The following CEP95 variants were observed in gnomAD, a reference collection of about 807,000 sequenced individuals.
The protein encoded by CEP95 is centrosomal protein of 95 kDa.
CEP95 carries 98 observed loss-of-function variants against 111.2 expected under a neutral mutation model. That is an observed-to-expected ratio of 0.88 (90% CI 0.75 to 1.04). The LOEUF (loss-of-function observed/expected upper bound fraction) is 1.04, where lower values mean the gene tolerates loss of function less well. Ranked by LOEUF, CEP95 falls within the 50% of genes least tolerant of loss-of-function variation. CEP95 has a pLI of 0.00. For synonymous variants in CEP95, 323 were observed against 327.1 expected (o/e 0.99, Z 0.14); for missense variants, 1,027 against 977.2 (o/e 1.05, Z -0.68).
chr17:64,519,253 C>T (rs1325887359), intron 5 of CEP95, 68 bp from the exon 6 acceptor site: 9 of 977,910 alleles, frequency 9.2e-6, no homozygotes, highest in African/African-American at 4.9e-5. Flanking sequence ...CCCAGCAGCT[C>T]TCCAGGTCCT....
chr17:64,537,162 T>G, intron 19 of CEP95, 50 bp downstream of exon 19: 1 of 1,591,558 alleles, frequency 6.3e-7, no homozygotes, highest in Non-Finnish European at 8.6e-7. Flanking sequence ...CAATGTTTCT[T>G]TCAGCAAGGG....
At chr17:64,532,271 T>TA (rs1246547916) in intron 14 of CEP95, 22 of 1,222,850 alleles carry the variant, frequency 1.8e-5, no homozygotes, top group Non-Finnish European at 1.9e-5. Flanking sequence ...GCTCCAGCGT[T>TA]AGCCTCACTC....
chr17:64,508,015 T>C (rs1555673561), intron 1 of CEP95: 1 of 985,110 alleles, frequency 1.0e-6, no homozygotes, highest in South Asian at 4.7e-5. Flanking sequence ...TTCTTTCATA[T>C]AGATCGATAT....
intron 2 of CEP95, 43 bp from the exon 3 acceptor site, chr17:64,510,130 G>A: frequency 4.5e-6 from 5 of 1,103,200 alleles, no homozygotes; most frequent in Admixed American, 3.9e-5. Context: ...TGAAAACTTG[G>A]CCTCTCATGG....
rs578228667 is a variant in CEP95 at position 64,534,800 on chromosome 17, C to G, written c.2070+63C>G. On this transcript the variant is annotated intron_variant, in intron 17 of 19. Transcript: ENST00000556440. ...TGAACTTTGTTATCTTTCAGGACCACCTTCTTTGTTCGTGACTCTTGTCCA... is the reference window on the plus strand; with the variant it reads ...TGAACTTTGTTATCTTTCAGGACCAGCTTCTTTGTTCGTGACTCTTGTCCA... 9 of 1,557,372 alleles carry G rather than the reference C, an allele frequency of 5.8e-6. No homozygotes were observed. In the South Asian group the frequency reaches 9.4e-5, roughly 16 times the overall value.
Position 64,521,480 on chromosome 17 carries a change from A to G in CEP95, c.668A>G (p.Tyr223Cys). ...PSSKSHEDML[Y>C]PPSVLSKSRT... ...TCTAAATCACATGAAGATATGTTGT[A>G]CCCTCCTAGTGTTTTGTCCAAGAGT... Residue 223 changes from tyrosine (Y) to cysteine (C), a missense_variant, in exon 7 of 20, where the codon TAC becomes TGC. Physicochemically the swap from Tyr to Cys is radical, Grantham distance 194. Transcript: ENST00000556440. 1.2e-6 allele frequency: 2 copies of G among 1,612,752 alleles called. No homozygotes were observed. The highest frequency in any genetic ancestry group is 1.7e-6 in the Non-Finnish European group (2 of 1,179,040).
At chr17:64,530,839 T>C (rs1049537465) in intron 12 of CEP95, 87 bp from the exon 13 acceptor site, 1 of 692,560 alleles carries the variant, frequency 1.4e-6, no homozygotes, top group African/African-American at 1.8e-5. Context: ...TCCTGTTTAC[T>C]AGACAGGTGC....
intron 1 of CEP95, chr17:64,507,795 A>G: frequency 2.0e-6 from 2 of 985,446 alleles, no homozygotes; most frequent in Non-Finnish European, 2.4e-6. Context: ...TCCAGAACAT[A>G]GTGGAGATGT....
chr17:64,507,696 A>T, intron 1 of CEP95: 2 of 986,116 alleles, frequency 2.0e-6, no homozygotes, highest in Non-Finnish European at 2.4e-6. Flanking sequence ...ACCAGTTGTC[A>T]TGGTTTGGCC....
chr17:64,508,567 G>A, intron 1 of CEP95, 25 bp from the exon 2 acceptor site: 1 of 1,354,216 alleles, frequency 7.4e-7, no homozygotes, highest in South Asian at 2.1e-5. Flanking sequence ...TTTTAAGACT[G>A]ATCTTTCCCC....
chr17:64,523,676 G>A (rs1967558166), intron 8 of CEP95, among the ~76,000 whole-genome samples: 1 of 152,166 alleles, frequency 6.6e-6, no homozygotes, highest in Non-Finnish European at 1.5e-5. Context: ...CACTTTGGGA[G>A]GCTCATGTGA....
At chr17:64,537,435 A>G (rs939350430) in intron 19 of CEP95, 168 bp from the exon 20 acceptor site, 2 of 1,380,472 alleles carry the variant, frequency 1.4e-6, no homozygotes, top group Non-Finnish European at 9.4e-7. Context: ...GACCCAAGAC[A>G]TTTTTATCCT....
rs781985737 is a variant in CEP95, at chr17:64,510,224, C to A, written c.200C>A (p.Ala67Glu). ...SQEDDAHNVQ[A>E]VIDSLALDYL... Reference sequence around the variant, plus strand: ...GAAGATGATGCACACAATGTACAAGCAGTAATTGATTCACTGGCCTTGGAC... The same window carrying A: ...GAAGATGATGCACACAATGTACAAGAAGTAATTGATTCACTGGCCTTGGAC... The change falls in exon 3 of 20, where the codon GCA (alanine) becomes GAA (glutamate). Residue 67 changes from alanine (A) to glutamate (E), a missense_variant. Physicochemically the swap from Ala to Glu is moderately radical, Grantham distance 107 (BLOSUM62 -1). Transcript: ENST00000556440. 2 of 1,611,956 alleles carry A rather than the reference C, an allele frequency of 1.2e-6. No homozygotes were observed. Among genetic ancestry groups the A allele is most frequent in the Admixed American group, 1.7e-5 (1 of 59,826 alleles).
chr17:64,527,850 TAATGTGTG>T (rs1278904684), intron 11 of CEP95, among the ~76,000 whole-genome samples: 177 of 139,798 alleles, frequency 1.3e-3, no homozygotes, highest in Middle Eastern at 7.0e-3. Context: ...GTGTGCCACT[TAATGTGTG>T]TGTGTGTGTG....
intron 5 of CEP95, among the ~76,000 whole-genome samples, chr17:64,518,761 A>T (rs1356185670): frequency 6.6e-6 from 1 of 151,902 alleles, no homozygotes; most frequent in Non-Finnish European, 1.5e-5. Context: ...GCTCACTGCA[A>T]CCTCTGCCTC....
rs944328554 is a variant in CEP95, at chr17:64,537,071, G to A, written c.2248G>A (p.Glu750Lys). 2.2e-5 allele frequency: 36 copies of A among 1,612,970 alleles called. No individual in the cohort carries two copies. The highest frequency in any genetic ancestry group is 3.1e-5 in the Non-Finnish European group (36 of 1,179,456). Reference protein sequence around the residue: ...FSLLAEAISQEHQELKAREKS... With the variant: ...FSLLAEAISQKHQELKAREKS... ...ATTGCTGGCAGAAGCCATATCACAG[G>A]AACATCAAGAACTTAAAGCCAGAGA... Residue 750 changes from glutamate (E) to lysine (K), a missense_variant, in exon 19 of 20, where the codon GAA (glutamate) becomes AAA (lysine). Coordinates refer to ENST00000556440, the MANE Select transcript of CEP95 (RefSeq NM_138363.3).
rs782689699 is a variant in CEP95 at position 64,514,355 on chromosome 17, AAAAGT to A, written c.367_367+4del. On this transcript the variant is annotated splice_donor_variant and coding_sequence_variant, in exon 4 of 20. Coordinates refer to ENST00000556440, the MANE Select transcript of CEP95 (RefSeq NM_138363.3). LOFTEE classifies it high-confidence loss of function. ...ACGCATCAGTGAAACATCTCATGAG[AAAAGT>A]AAGTTTAAGAATGGAAATTTGGTTT... 4.9e-6 allele frequency: 7 copies of A among 1,435,494 alleles called. No homozygotes were observed. In the East Asian group the frequency reaches 1.5e-4, roughly 31 times the overall value. 88.9% of individuals were successfully genotyped at this position (1,435,494 alleles called of 1,614,324 possible).
In CEP95 at chr17:64,508,594, TG is replaced by T; in HGVS notation, c.25del (p.Val9Ter). MAGSDAE[W>X]VTIANNLLFK... is the part of the protein sequence containing the mutation. ...TCTTTCCCCCTTTTTCCCAACAGAG[TG>T]GGTAACCATTGCCAATAACCTTCTT... On this transcript the variant is annotated frameshift_variant, in exon 2 of 20. Coordinates refer to ENST00000556440, the MANE Select transcript of CEP95 (RefSeq NM_138363.3). LOFTEE classifies it high-confidence loss of function. The T allele has an allele frequency of 7.2e-7, 1 of 1,395,644 alleles. No individual in the cohort carries two copies. The allele number at this position is 1,395,644 out of a possible 1,614,324, so 86.5% of individuals were successfully genotyped here. A position where few individuals can be genotyped will look rare whatever the true frequency, so the allele number is the denominator to read the frequency against.
Position 64,510,671 on chromosome 17 carries a change from TC to T in CEP95, c.256+394del, listed in dbSNP as rs376679628. On this transcript the variant is annotated intron_variant, in intron 3 of 19. Coordinates refer to ENST00000556440, the MANE Select transcript of CEP95 (RefSeq NM_138363.3). ...CTCAGGTGATCCTCTCACCTCAGCCTCCCGGGTAGCCGGGGCTACAGGTGTG... is the reference window on the plus strand; with the variant it reads ...CTCAGGTGATCCTCTCACCTCAGCCTCCGGGTAGCCGGGGCTACAGGTGTG... 9.0e-3 allele frequency among the ~76,000 whole-genome samples: 1,376 copies of T among 152,328 alleles called. 17 individuals are homozygous for T. The highest frequency in any genetic ancestry group is 0.032 in the African/African-American group (1,319 of 41,566).
Sources: allele counts gnomAD v4.1 joint callset (sites outside exome capture counted in the v4.1 genomes callset), GRCh38; gene constraint gnomAD v4.1.1; transcripts MANE v1.5; gene names NCBI Gene and HGNC (gene_info 2026-07-23, HGNC 2026-07-21).